CNKSR3: variants seen among roughly 807,000 people sequenced by gnomAD.
CNKSR3 encodes the protein CNKSR family member 3, also known as connector enhancer of kinase suppressor of ras 3.
CNKSR3 carries 36 observed loss-of-function variants against 67.7 expected under a neutral mutation model. The observed-to-expected ratio is 0.53, with a 90% CI of 0.41 to 0.70. CNKSR3 has a LOEUF of 0.70. Ranked by LOEUF, CNKSR3 falls within the 30% of genes least tolerant of loss-of-function variation. The pLI is 0.00. For synonymous variants in CNKSR3, 281 were observed against 271.4 expected (o/e 1.04, Z -0.35); for missense variants, 630 against 695.2 (o/e 0.91, Z 1.05).
intron 7 of CNKSR3, among the ~76,000 whole-genome samples, chr6:154,425,338 A>G (rs1346051656): frequency 6.6e-6 from 1 of 152,102 alleles, no homozygotes; most frequent in Non-Finnish European, 1.5e-5. Context: ...TTCCCTTCCT[A>G]AGGATCCTTT....
intron 9 of CNKSR3, among the ~76,000 whole-genome samples, chr6:154,420,148 T>C (rs1040547819): frequency 7.9e-5 from 12 of 151,500 alleles, no homozygotes; most frequent in Middle Eastern, 3.5e-3. Flanking sequence ...GGGATGAACC[T>C]GGAGGACACT....
chr6:154,425,425 T>C (rs1328725351), intron 7 of CNKSR3, among the ~76,000 whole-genome samples: 4 of 152,242 alleles, frequency 2.6e-5, no homozygotes. Context: ...GAGAGCTTGG[T>C]ACCAAAATTC....
chr6:154,485,158 T>C (rs757025789), intron 1 of CNKSR3, among the ~76,000 whole-genome samples: 1 of 152,180 alleles, frequency 6.6e-6, no homozygotes, highest in Non-Finnish European at 1.5e-5. Flanking sequence ...CATGAATCAT[T>C]AATTATGAAT....
At chr6:154,475,732 A>C (rs1016886867) in intron 1 of CNKSR3, among the ~76,000 whole-genome samples, 7 of 152,214 alleles carry the variant, frequency 4.6e-5, no homozygotes, top group African/African-American at 1.7e-4. Context: ...ACAAATTCCA[A>C]GTACTGTGGC....
At chr6:154,422,676 G>A in intron 8 of CNKSR3, 24 bp from the exon 9 acceptor site, 1 of 1,611,700 alleles carries the variant, frequency 6.2e-7, no homozygotes, top group South Asian at 1.1e-5. Flanking sequence ...AAATGGGGAG[G>A]GAAGACTTGC....
chr6:154,421,851 G>A (rs1051886884), intron 9 of CNKSR3, among the ~76,000 whole-genome samples: 1 of 152,136 alleles, frequency 6.6e-6, no homozygotes, highest in African/African-American at 2.4e-5. Context: ...AGAAGGACTA[G>A]AAGGAACTTT....
intron 12 of CNKSR3, among the ~76,000 whole-genome samples, chr6:154,408,458 C>T (rs1784846195): frequency 6.6e-6 from 1 of 152,192 alleles, no homozygotes; most frequent in Non-Finnish European, 1.5e-5. Flanking sequence ...TTTTCTCATG[C>T]CTTCCATGTT....
chr6:154,443,964 T>G (rs1785656687), intron 2 of CNKSR3, among the ~76,000 whole-genome samples: 1 of 152,172 alleles, frequency 6.6e-6, no homozygotes, highest in African/African-American at 2.4e-5. Flanking sequence ...TTTCATGAGA[T>G]AATACTGTCC....
chr6:154,411,136 C>G lies in CNKSR3; in HGVS notation c.1077G>C (p.Glu359Asp), dbSNP rs935430167. Residue 359 changes from glutamate (E) to aspartate (D), a missense_variant, in exon 11 of 13, where the codon GAG (glutamate) becomes GAC (aspartate). Glu to Asp is a conservative substitution (Grantham distance 45, BLOSUM62 2). Around this residue, in one of 3 missense-constraint regions of CNKSR3, gnomAD observed 308 missense variants for 299.6 expected, o/e 1.03. Transcript: ENST00000607772. The part of the protein sequence containing the change: ...PPAVPYSPRD[E>D]NGSFVYGGSS... Reference sequence around the variant, plus strand: ...ACCCTCCATAAACAAAACTGCCATTCTCATCCCTGGAAGATAATATGGACA... The same window carrying G: ...ACCCTCCATAAACAAAACTGCCATTGTCATCCCTGGAAGATAATATGGACA... 1.9e-6 allele frequency: 3 copies of G among 1,607,386 alleles called. No homozygotes were observed. In the African/African-American group the frequency reaches 4.0e-5, roughly 21 times the overall value.
At chr6:154,425,517 G>A (rs777566667) in intron 7 of CNKSR3, among the ~76,000 whole-genome samples, 2 of 152,208 alleles carry the variant, frequency 1.3e-5, no homozygotes, top group African/African-American at 4.8e-5. Context: ...TGCTGCAGAA[G>A]GGTCATGACC....
chr6:154,460,053 C>T (rs56292313), intron 1 of CNKSR3, among the ~76,000 whole-genome samples: 9 of 152,342 alleles, frequency 5.9e-5, no homozygotes, highest in Admixed American at 2.0e-4. Flanking sequence ...GCCCCCACCC[C>T]CTCCTGGGAC....
chr6:154,444,212 G>C (rs918184921), intron 2 of CNKSR3, among the ~76,000 whole-genome samples: 1 of 152,114 alleles, frequency 6.6e-6, no homozygotes, highest in African/African-American at 2.4e-5. Flanking sequence ...TAACATTATT[G>C]AACACTTTAT....
intron 11 of CNKSR3, among the ~76,000 whole-genome samples, chr6:154,410,690 A>C (rs1158457203): frequency 6.6e-6 from 1 of 152,248 alleles, no homozygotes. Flanking sequence ...CCAGGCACTG[A>C]AAGTTAAAAC....
intron 1 of CNKSR3, among the ~76,000 whole-genome samples, chr6:154,462,887 G>A (rs113584220): frequency 6.4e-4 from 98 of 152,306 alleles, no homozygotes; most frequent in African/African-American, 2.3e-3. Context: ...ATGCATGGCC[G>A]CATTATTTAC....
chr6:154,417,996 C>G (rs1175600413), intron 9 of CNKSR3, among the ~76,000 whole-genome samples: 1 of 152,360 alleles, frequency 6.6e-6, no homozygotes, highest in African/African-American at 2.4e-5. Context: ...ATCTCCCACC[C>G]TCAGCTCCAC....
At chr6:154,469,863 G>A (rs1786284670) in intron 1 of CNKSR3, among the ~76,000 whole-genome samples, 1 of 152,074 alleles carries the variant, frequency 6.6e-6, no homozygotes, top group Non-Finnish European at 1.5e-5. Context: ...AAGTTTTACA[G>A]ATAACATAAA....
intron 1 of CNKSR3, among the ~76,000 whole-genome samples, chr6:154,479,143 C>T (rs1786514489): frequency 6.6e-6 from 1 of 151,054 alleles, no homozygotes; most frequent in African/African-American, 2.4e-5. Context: ...AACAGAAAGT[C>T]ATTTGGAAGT....
In CNKSR3 at chr6:154,391,427, G is replaced by C. The variant is rs892919902; in HGVS notation, c.*14927C>G. 1.3e-5 allele frequency: 2 copies of C among 152,070 alleles called. No individual in the cohort carries two copies. The highest frequency in any genetic ancestry group is 2.9e-5 in the Non-Finnish European group (2 of 68,096). The allele number at this position is 152,070 out of a possible 1,614,324, so 9.4% of individuals were successfully genotyped here. ...TTTTTGTATTTTTAGTAGAGACAGG[G>C]TTTCATCGTGTTAGCCAGGATAGTC... On this transcript the variant is annotated 3_prime_UTR_variant, in exon 13 of 13. Transcript: ENST00000607772.
rs1032645920 is a variant in CNKSR3, at chr6:154,431,347, G to A, written c.550-756C>T. ...TAACCCCAGCTACTCGGGAGGCTGAGGCTGCAGAATTGCTTGAACCTCAGA... is the reference window on the plus strand; with the variant it reads ...TAACCCCAGCTACTCGGGAGGCTGAAGCTGCAGAATTGCTTGAACCTCAGA... On this transcript the variant is annotated intron_variant, in intron 5 of 12. Transcript: ENST00000607772. Among the ~76,000 whole-genome samples, 15 of 151,498 alleles carry A rather than the reference G, an allele frequency of 9.9e-5. 2 individuals are homozygous for A. Among genetic ancestry groups the A allele is most frequent in the Admixed American group, 1.3e-4 (2 of 15,182 alleles).
Sources: gnomAD v4.1 joint callset for allele counts (sites outside exome capture counted in the v4.1 genomes callset) on GRCh38, gnomAD v4.1.1 for gene constraint, gnomAD v4.1.1 regional missense constraint, MANE v1.5 for transcripts, NCBI Gene and HGNC (gene_info 2026-07-23, HGNC 2026-07-21) for gene names.